CDC42EP3: variants seen among roughly 807,000 people sequenced by gnomAD.
CDC42EP3 encodes CDC42 effector protein (Rho GTPase binding) 3.
In CDC42EP3, 4 loss-of-function variants were observed where a neutral mutation model predicts 15.5. The observed-to-expected ratio is 0.26, with a 90% CI of 0.13 to 0.59. The LOEUF (loss-of-function observed/expected upper bound fraction) is 0.59, where lower values mean the gene tolerates loss of function less well. Ranked by LOEUF, CDC42EP3 falls within the 20% of genes least tolerant of loss-of-function variation. The pLI is 0.89. For missense variants in CDC42EP3, 309 were observed against 311.2 expected, an observed-to-expected ratio of 0.99 and a Z score of 0.05; for synonymous variants, 145 against 130.3, an observed-to-expected ratio of 1.11 and a Z score of -0.77.
intron 1 of CDC42EP3, among the ~76,000 whole-genome samples, chr2:37,648,645 G>A (rs1326303613): frequency 1.3e-5 from 2 of 152,242 alleles, no homozygotes; most frequent in African/African-American, 4.8e-5. Context: ...TGCAGAGTGG[G>A]CTGACCATGG....
chr2:37,648,448 G>C (rs78391790), intron 1 of CDC42EP3, among the ~76,000 whole-genome samples: 83 of 152,348 alleles, frequency 5.4e-4, no homozygotes, highest in African/African-American at 1.9e-3. Flanking sequence ...GACAAGAACT[G>C]TGCTCCACCA....
chr2:37,653,820 A>G (rs1411751998), intron 1 of CDC42EP3, among the ~76,000 whole-genome samples: 1 of 151,998 alleles, frequency 6.6e-6, no homozygotes, highest in Non-Finnish European at 1.5e-5. Flanking sequence ...TAAAACACAC[A>G]TGTATAAAAA....
intron 1 of CDC42EP3, among the ~76,000 whole-genome samples, chr2:37,652,117 G>A (rs1010568340): frequency 3.7e-5 from 5 of 133,586 alleles, no homozygotes; most frequent in Non-Finnish European, 7.7e-5. Flanking sequence ...GGAGCTTGCA[G>A]TGAGCCAAGA....
At chr2:37,657,001 C>CCCCCCCCCCCCCCCG (rs1208218676) in intron 1 of CDC42EP3, among the ~76,000 whole-genome samples, 16 of 103,194 alleles carry the variant, frequency 1.6e-4, no homozygotes, top group Admixed American at 2.3e-4. Flanking sequence ...CCCCCCGCCC[C>CCCCCCCCCCCCCCCG]CCGCCATCCT....
chr2:37,652,823 C>G (rs910955513), intron 1 of CDC42EP3, among the ~76,000 whole-genome samples: 1 of 152,150 alleles, frequency 6.6e-6, no homozygotes, highest in Non-Finnish European at 1.5e-5. Context: ...ATCCTCCTGC[C>G]TCAGCTTCCC....
At chr2:37,649,157 G>GA (rs1249589047) in intron 1 of CDC42EP3, among the ~76,000 whole-genome samples, 10 of 150,154 alleles carry the variant, frequency 6.7e-5, no homozygotes, top group Admixed American at 6.6e-5. Context: ...CTGTCTCTAT[G>GA]AAAAAAAAAT....
At chr2:37,660,026 A>T (rs917734410) in intron 1 of CDC42EP3, among the ~76,000 whole-genome samples, 1 of 152,226 alleles carries the variant, frequency 6.6e-6, no homozygotes, top group Non-Finnish European at 1.5e-5. Flanking sequence ...ACCTTCATGT[A>T]AAATGGAGAT....
At position 37,670,562 on chromosome 2, in the gene CDC42EP3, C is replaced by T. The variant is rs181289511; in HGVS notation, c.-236+864G>A. 4.1e-3 allele frequency among the ~76,000 whole-genome samples: 622 copies of T among 150,590 alleles called. 6 individuals carry two copies. Among genetic ancestry groups the T allele is most frequent in the South Asian group, 0.031 (149 of 4,786 alleles). On this transcript the variant is annotated intron_variant, in intron 1 of 1. Coordinates refer to ENST00000295324, the MANE Select transcript of CDC42EP3 (RefSeq NM_006449.5). Reference sequence around the variant, plus strand: ...TGCACTCTGGGGCTTTTACTCCTTTCAACACAGCTGCGCTCCCGGCTTTGA... The same window carrying T: ...TGCACTCTGGGGCTTTTACTCCTTTTAACACAGCTGCGCTCCCGGCTTTGA...
rs1665285168 is a variant in CDC42EP3, at chr2:37,642,050, A to G, written c.*3773T>C. 6.6e-6 allele frequency: 1 copy of G among 152,154 alleles called. No individual in the cohort carries two copies. Among genetic ancestry groups the G allele is most frequent in the Non-Finnish European group, 1.5e-5 (1 of 68,036 alleles). The allele number at this position is 152,154 out of a possible 1,614,324, so 9.4% of individuals were successfully genotyped here. ...TGCAGCATTGTACCACAGAATAATG[A>G]CTCCCTAATAACTCAGCTGAAAAAT... On this transcript the variant is annotated 3_prime_UTR_variant, in exon 2 of 2. Transcript: ENST00000295324.
At position 37,646,456 on chromosome 2, in the gene CDC42EP3, A is replaced by G. The variant is rs148215516; in HGVS notation, c.132T>C (p.Ile44=). 1.2e-5 allele frequency: 20 copies of G among 1,614,164 alleles called. No individual in the cohort carries two copies. Among genetic ancestry groups the G allele is most frequent in the Non-Finnish European group, 1.7e-5 (20 of 1,180,016 alleles). ...AGACATCGTGCTGGCCCTCTTTGCC[A>G]ATGTGGATGGTGTGGCGAAAGTCTC... is the stretch of plus-strand genomic sequence containing the variant. ...PLGDFRHTIH[I]GKEGQHDVFG... Residue 44 remains isoleucine, a synonymous_variant, in exon 2 of 2, where the codon ATT becomes ATC. Transcript: ENST00000295324.
intron 1 of CDC42EP3, among the ~76,000 whole-genome samples, chr2:37,663,991 G>A (rs891788552): frequency 3.3e-5 from 5 of 152,122 alleles, no homozygotes; most frequent in African/African-American, 9.7e-5. Flanking sequence ...TGGCTAAGGC[G>A]GTGAAGCCCC....
chr2:37,668,919 G>C (rs752517307), intron 1 of CDC42EP3, among the ~76,000 whole-genome samples: 2 of 152,178 alleles, frequency 1.3e-5, no homozygotes, highest in African/African-American at 2.4e-5. Flanking sequence ...AGGCACACAA[G>C]ATTTTGTGGC....
chr2:37,665,522 A>G (rs1666222904), intron 1 of CDC42EP3, among the ~76,000 whole-genome samples: 1 of 152,258 alleles, frequency 6.6e-6, no homozygotes. Flanking sequence ...TGGCAAAGCC[A>G]CATTTCACCA....
chr2:37,645,868 G>C lies in CDC42EP3; in HGVS notation c.720C>G (p.Pro240=), dbSNP rs773190829. Reference sequence around the variant, plus strand: ...CATTCAGCACCTCATCCAAAAGTGAGGGCCCAAGATCAAGCTGCAGGGAGA... The same window carrying C: ...CATTCAGCACCTCATCCAAAAGTGACGGCCCAAGATCAAGCTGCAGGGAGA... ...SLLSLQLDLG[P]SLLDEVLNVM... Residue 240 remains proline, a synonymous_variant, in exon 2 of 2, where the codon CCC becomes CCG. Transcript: ENST00000295324. 18 of 1,571,750 alleles carry C rather than the reference G, an allele frequency of 1.1e-5. No homozygotes were observed. The highest frequency in any genetic ancestry group is 3.4e-6 in the Non-Finnish European group (4 of 1,164,232).
rs755416975 is a variant in CDC42EP3, at chr2:37,646,399, G to T, written c.189C>A (p.Tyr63Ter). 6.2e-7 allele frequency: 1 copy of T among 1,614,076 alleles called. No homozygotes were observed. Residue 63 changes from tyrosine (Y) to a stop codon, truncating the protein, a stop_gained, in exon 2 of 2, where the codon TAC becomes TAA. Coordinates refer to ENST00000295324, the MANE Select transcript of CDC42EP3 (RefSeq NM_006449.5). LOFTEE classifies it high-confidence loss of function. The part of the protein sequence containing the change: ...FGDISFLQGN[Y>*]ELLPGNQEKA... Reference sequence around the variant, plus strand: ...TCTCCTGGTTTCCAGGTAAAAGCTCGTAGTTCCCTTGAAGAAAGGAAATAT... The same window carrying T: ...TCTCCTGGTTTCCAGGTAAAAGCTCTTAGTTCCCTTGAAGAAAGGAAATAT...
intron 1 of CDC42EP3, among the ~76,000 whole-genome samples, chr2:37,651,944 G>C (rs765690354): frequency 2.6e-5 from 4 of 151,986 alleles, no homozygotes; most frequent in Non-Finnish European, 5.9e-5. Flanking sequence ...GGGAGGCCGA[G>C]GCGGGCAGAT....
chr2:37,654,751 A>T (rs557380872), intron 1 of CDC42EP3, among the ~76,000 whole-genome samples: 1 of 152,354 alleles, frequency 6.6e-6, no homozygotes, highest in South Asian at 2.1e-4. Flanking sequence ...TCCCTTGAAG[A>T]AGCTTTCTCT....
Position 37,645,233 on chromosome 2 carries a change from C to G in CDC42EP3, c.*590G>C, listed in dbSNP as rs749663165. ...CAGTAATACTTTGCCTGTGTCTTAC[C>G]AACATGTAGCTGACAGTCAAAATTT... On this transcript the variant is annotated 3_prime_UTR_variant, in exon 2 of 2. Transcript: ENST00000295324. The G allele has an allele frequency of 6.6e-6, 1 of 152,388 alleles. No individual in the cohort carries two copies. Among genetic ancestry groups the G allele is most frequent in the Non-Finnish European group, 1.5e-5 (1 of 68,004 alleles). 9.4% of individuals were successfully genotyped at this position (152,388 alleles called of 1,614,324 possible). A position where few individuals can be genotyped will look rare whatever the true frequency, so the allele number is the denominator to read the frequency against.
intron 1 of CDC42EP3, among the ~76,000 whole-genome samples, chr2:37,665,127 T>TTATA (rs10638447): frequency 0.14 from 21,185 of 150,946 alleles, 2,186 homozygotes; most frequent in East Asian, 0.47. Context: ...AAACTCCCCT[T>TTATA]TATATATATA....
Sources: allele counts gnomAD v4.1 joint callset (sites outside exome capture counted in the v4.1 genomes callset), GRCh38; gene constraint gnomAD v4.1.1; transcripts MANE v1.5; gene names NCBI Gene and HGNC (gene_info 2026-07-23, HGNC 2026-07-21).